The following FBN2 variants were observed in gnomAD, a reference collection of about 807,000 sequenced individuals.
FBN2 encodes the protein fibrillin 2.
Under a neutral mutation model 355.6 loss-of-function variants are expected in FBN2, and 105 were observed. That is an observed-to-expected ratio of 0.30 (90% CI 0.25 to 0.35). FBN2 has a LOEUF of 0.35. FBN2 is among the 10% of genes least tolerant of loss of function. The pLI, the probability that FBN2 is intolerant of heterozygous loss-of-function variation, is 1.00. For synonymous variants in FBN2, 1,350 were observed against 1,301.2 expected (o/e 1.04, Z -0.81); for missense variants, 3,280 against 3,758.7 (o/e 0.87, Z 3.33).
chr5:128,278,573 T>G (rs556398944), intron 57 of FBN2, 62 bp downstream of exon 57: 1 of 1,478,706 alleles, frequency 6.8e-7, no homozygotes, highest in East Asian at 2.3e-5. Flanking sequence ...TTCCTTCACA[T>G]TTATCTGAAT....
At chr5:128,341,250 C>T (rs1751012870) in intron 25 of FBN2, among the ~76,000 whole-genome samples, 2 of 152,146 alleles carry the variant, frequency 1.3e-5, no homozygotes, top group South Asian at 2.1e-4. Flanking sequence ...ACTGGAAGAA[C>T]CCTGAGCTTC....
intron 4 of FBN2, among the ~76,000 whole-genome samples, chr5:128,525,866 C>T (rs1471429855): frequency 1.3e-5 from 2 of 152,080 alleles, no homozygotes; most frequent in Non-Finnish European, 1.5e-5. Flanking sequence ...AATTCAAATT[C>T]CAGTGTCTAT....
intron 5 of FBN2, among the ~76,000 whole-genome samples, chr5:128,501,788 AAAC>A (rs1435421482): frequency 7.2e-5 from 11 of 152,176 alleles, no homozygotes; most frequent in African/African-American, 2.7e-4. Flanking sequence ...TAATTGGCAA[AAAC>A]AACAGAACAG....
At chr5:128,479,972 CTCTCTATATA>C (rs1416964588) in intron 5 of FBN2, among the ~76,000 whole-genome samples, 40 of 20,462 alleles carry the variant, frequency 2.0e-3, no homozygotes, top group South Asian at 7.9e-3. Flanking sequence ...CTCTCTCTCT[CTCTCTATATA>C]TATATATATA....
At chr5:128,439,923 A>G (rs1753871866) in intron 7 of FBN2, among the ~76,000 whole-genome samples, 4 of 152,108 alleles carry the variant, frequency 2.6e-5, no homozygotes, top group African/African-American at 7.2e-5. Flanking sequence ...ATTCATTTAA[A>G]ATTTATCCTG....
At chr5:128,387,307 T>C (rs140518886) in intron 11 of FBN2, among the ~76,000 whole-genome samples, 115 of 152,234 alleles carry the variant, frequency 7.6e-4, no homozygotes, top group Middle Eastern at 6.8e-3. Context: ...TTGTTGGTAA[T>C]GTCTCCTTTA....
At chr5:128,316,737 G>A (rs1289476429) in intron 36 of FBN2, among the ~76,000 whole-genome samples, 3 of 152,054 alleles carry the variant, frequency 2.0e-5, no homozygotes, top group Non-Finnish European at 4.4e-5. Flanking sequence ...TGTTTCAAAT[G>A]GATTTCTTAT....
intron 62 of FBN2, among the ~76,000 whole-genome samples, chr5:128,265,503 C>T (rs543014023): frequency 6.6e-6 from 1 of 152,236 alleles, no homozygotes; most frequent in South Asian, 2.1e-4. Context: ...ATACTTTGAA[C>T]TGATTCAAGC....
At chr5:128,360,124 C>T (rs1230915990) in intron 19 of FBN2, among the ~76,000 whole-genome samples, 1 of 151,938 alleles carries the variant, frequency 6.6e-6, no homozygotes, top group Non-Finnish European at 1.5e-5. Context: ...ACAGACAAAA[C>T]TGAAAAAAGA....
chr5:128,411,579 A>T (rs552826409), intron 7 of FBN2, among the ~76,000 whole-genome samples: 16 of 152,146 alleles, frequency 1.1e-4, no homozygotes, highest in Non-Finnish European at 1.6e-4. Flanking sequence ...CGACATTCAG[A>T]TGCTTCTTCT....
chr5:128,478,375 C>A (rs373697183), intron 5 of FBN2, among the ~76,000 whole-genome samples: 3 of 152,262 alleles, frequency 2.0e-5, no homozygotes, highest in Non-Finnish European at 4.4e-5. Flanking sequence ...CTAGATGAGG[C>A]ATGTATAAAA....
intron 5 of FBN2, among the ~76,000 whole-genome samples, chr5:128,484,204 G>A (rs935863401): frequency 2.0e-5 from 3 of 152,082 alleles, no homozygotes; most frequent in Non-Finnish European, 2.9e-5. Context: ...GTCCTTCTAA[G>A]TTATTACTTA....
At chr5:128,320,218 T>C (rs1174184413) in intron 34 of FBN2, among the ~76,000 whole-genome samples, 3 of 150,670 alleles carry the variant, frequency 2.0e-5, no homozygotes, top group African/African-American at 4.8e-5. Context: ...CTTCTGACTA[T>C]GCATTTTTTT....
chr5:128,271,108 T>G (rs1454377814), intron 62 of FBN2, among the ~76,000 whole-genome samples: 1 of 152,222 alleles, frequency 6.6e-6, no homozygotes, highest in Non-Finnish European at 1.5e-5. Context: ...ACTAGAAATT[T>G]CTTTTGAGAA....
At chr5:128,436,781 G>A (rs1368830448) in intron 7 of FBN2, among the ~76,000 whole-genome samples, 1 of 152,066 alleles carries the variant, frequency 6.6e-6, no homozygotes, top group Non-Finnish European at 1.5e-5. Context: ...GACATAAAAA[G>A]TAACCCAGAA....
At chr5:128,512,512 C>CAA (rs1158661549) in intron 5 of FBN2, among the ~76,000 whole-genome samples, 4,043 of 59,802 alleles carry the variant, frequency 0.068, 152 homozygotes, top group African/African-American at 0.08. Context: ...GAACCCGTCT[C>CAA]AAAAAAAAAA....
intron 59 of FBN2, among the ~76,000 whole-genome samples, chr5:128,275,020 A>G (rs1485397259): frequency 6.6e-6 from 1 of 152,204 alleles, no homozygotes; most frequent in Non-Finnish European, 1.5e-5. Context: ...ATGGCTGATT[A>G]CTGATTCCTA....
At chr5:128,531,670 G>A (rs777956550) in intron 2 of FBN2, among the ~76,000 whole-genome samples, 20 of 150,342 alleles carry the variant, frequency 1.3e-4, no homozygotes, top group Non-Finnish European at 1.8e-4. Flanking sequence ...ATATGTGTGC[G>A]TGTGTGTGTA....
chr5:128,306,044 C>CA, intron 42 of FBN2, 96 bp from the exon 43 acceptor site: 1 of 1,259,062 alleles, frequency 7.9e-7, no homozygotes, highest in Non-Finnish European at 1.2e-6. Flanking sequence ...GGGATGAGTA[C>CA]AAATATTCAG....
Sources: allele counts gnomAD v4.1 joint callset (sites outside exome capture counted in the v4.1 genomes callset), GRCh38; gene constraint gnomAD v4.1.1; transcripts MANE v1.5; gene names NCBI Gene and HGNC (gene_info 2026-07-23, HGNC 2026-07-21).